The following CADPS variants were observed in gnomAD, a reference collection of about 807,000 sequenced individuals.
CADPS encodes the protein calcium-dependent secretion activator 1.
In CADPS, 57 loss-of-function variants were observed where a neutral mutation model predicts 167.3. The ratio of observed to expected loss-of-function variants is 0.34; its 90% confidence interval spans 0.28 to 0.42. CADPS has a LOEUF of 0.42. Among genes scored for constraint, CADPS ranks in the 20% least tolerant of loss-of-function variants. The pLI, the probability that CADPS is intolerant of heterozygous loss-of-function variation, is 1.00. For missense variants in CADPS, 1,414 were observed against 1,738.1 expected (o/e 0.81, Z 3.32); for synonymous variants, 676 against 635.3 (o/e 1.06, Z -0.96).
chr3:62,675,336 G>C (rs890436499), intron 3 of CADPS, among the ~76,000 whole-genome samples: 1 of 152,066 alleles, frequency 6.6e-6, no homozygotes, highest in Non-Finnish European at 1.5e-5. Context: ...TGTAGATTTT[G>C]GTTAAAGTGC....
chr3:62,759,432 A>G (rs947457449), intron 2 of CADPS, among the ~76,000 whole-genome samples: 2 of 152,218 alleles, frequency 1.3e-5, no homozygotes, highest in African/African-American at 4.8e-5. Context: ...TCCATGATAT[A>G]TGGTTATAAT....
chr3:62,821,635 C>T (rs2094925581), intron 1 of CADPS, among the ~76,000 whole-genome samples: 1 of 152,130 alleles, frequency 6.6e-6, no homozygotes, highest in Non-Finnish European at 1.5e-5. Context: ...GATAAAGACA[C>T]CAGTCAGAGT....
intron 4 of CADPS, among the ~76,000 whole-genome samples, chr3:62,651,803 A>T (rs991667558): frequency 2.6e-5 from 4 of 152,210 alleles, no homozygotes; most frequent in Non-Finnish European, 5.9e-5. Flanking sequence ...TCACCTTCCC[A>T]AACAGTCATT....
chr3:62,434,184 A>T (rs1279111923), intron 28 of CADPS, among the ~76,000 whole-genome samples: 2 of 152,092 alleles, frequency 1.3e-5, no homozygotes, highest in African/African-American at 4.8e-5. Flanking sequence ...TTTAAATCTC[A>T]GTTTGTTTTG....
At chr3:62,745,438 A>G (rs2081253654) in intron 3 of CADPS, among the ~76,000 whole-genome samples, 1 of 152,208 alleles carries the variant, frequency 6.6e-6, no homozygotes, top group African/African-American at 2.4e-5. Context: ...TCTGGCAAGC[A>G]AAGTCACTTA....
Position 62,536,341 on chromosome 3 carries a change from G to C in CADPS, c.2103+104C>G, listed in dbSNP as rs576036920. 31 of 971,904 alleles carry C rather than the reference G, an allele frequency of 3.2e-5. No individual in the cohort carries two copies. The South Asian group carries it at 4.6e-4, about 15-fold the overall frequency. The allele number at this position is 971,904 out of a possible 1,614,324, so 60.2% of individuals were successfully genotyped here. On this transcript the variant is annotated intron_variant, in intron 12 of 29. Coordinates refer to ENST00000383710, the MANE Select transcript of CADPS (RefSeq NM_003716.4). Reference sequence around the variant, plus strand: ...GGGAACACATTTATAATTGTTAAAGGGATTCTGTAATGGAGAAAAGAGCTT... The same window carrying C: ...GGGAACACATTTATAATTGTTAAAGCGATTCTGTAATGGAGAAAAGAGCTT...
At chr3:62,714,403 C>A (rs1351324519) in intron 3 of CADPS, among the ~76,000 whole-genome samples, 1 of 152,064 alleles carries the variant, frequency 6.6e-6, no homozygotes, top group African/African-American at 2.4e-5. Flanking sequence ...TCTTCCCTTC[C>A]ACTTACTGTT....
intron 6 of CADPS, among the ~76,000 whole-genome samples, chr3:62,595,397 CA>C (rs1257989972): frequency 6.6e-6 from 1 of 152,006 alleles, no homozygotes; most frequent in Non-Finnish European, 1.5e-5. Flanking sequence ...GGTTTTGAAC[CA>C]GATATCTTTA....
intron 27 of CADPS, chr3:62,440,896 G>A (rs754074399): frequency 6.6e-6 from 1 of 152,216 alleles, no homozygotes; most frequent in Non-Finnish European, 1.5e-5. Context: ...ATCTTGGGAG[G>A]CCCTGGAGGG....
At chr3:62,760,144 C>T (rs1004748220) in intron 2 of CADPS, among the ~76,000 whole-genome samples, 2 of 152,084 alleles carry the variant, frequency 1.3e-5, no homozygotes, top group African/African-American at 4.8e-5. Context: ...CAACTCTCTT[C>T]TTCTATTTCT....
At chr3:62,752,299 C>G (rs958478552) in intron 3 of CADPS, among the ~76,000 whole-genome samples, 5 of 151,384 alleles carry the variant, frequency 3.3e-5, no homozygotes, top group Admixed American at 3.3e-4. Flanking sequence ...ACTTTTTGAC[C>G]CATCACAAAA....
At chr3:62,695,423 T>G (rs1322630448) in intron 3 of CADPS, among the ~76,000 whole-genome samples, 1 of 152,098 alleles carries the variant, frequency 6.6e-6, no homozygotes, top group Non-Finnish European at 1.5e-5. Context: ...AATTTGCATC[T>G]ATAGAGAATC....
At position 62,651,073 on chromosome 3, in the gene CADPS, T is replaced by G; in HGVS notation, c.977A>C (p.Lys326Thr). Residue 326 changes from lysine (K) to threonine (T), a missense_variant, in exon 5 of 30, where the codon AAA (lysine) becomes ACA (threonine). Transcript: ENST00000383710. ...TTCTTTGGATACAAACTTGGGAAAT[T>G]TGCGTTCCTTGGGAAGAAAAAGAAA... ...QMADQIARER[K>T]FPKFVSKEME... 1.2e-6 allele frequency: 2 copies of G among 1,611,614 alleles called. No individual in the cohort carries two copies. Among genetic ancestry groups the G allele is most frequent in the Non-Finnish European group, 1.7e-6 (2 of 1,178,218 alleles).
intron 19 of CADPS, 96 bp downstream of exon 19, chr3:62,493,549 T>C (rs537470388): frequency 1.1e-5 from 10 of 905,016 alleles, no homozygotes; most frequent in Non-Finnish European, 1.7e-5. Context: ...CAAGCTCTTC[T>C]GTGATCTATT....
chr3:62,802,757 T>A (rs904510652), intron 1 of CADPS, among the ~76,000 whole-genome samples: 5 of 152,182 alleles, frequency 3.3e-5, no homozygotes, highest in African/African-American at 1.2e-4. Context: ...GTTTTTCAAA[T>A]CAGGAAACTG....
At chr3:62,772,480 T>G (rs2152550812) in intron 1 of CADPS, among the ~76,000 whole-genome samples, 1 of 152,332 alleles carries the variant, frequency 6.6e-6, no homozygotes, top group Middle Eastern at 3.4e-3. Context: ...ACAAATCTAT[T>G]GTCTATAGCC....
At chr3:62,670,322 A>G (rs1409650775) in intron 3 of CADPS, among the ~76,000 whole-genome samples, 1 of 152,196 alleles carries the variant, frequency 6.6e-6, no homozygotes, top group Non-Finnish European at 1.5e-5. Flanking sequence ...TATTTGTAGA[A>G]AGAACATGGA....
At chr3:62,742,198 G>A (rs141762156) in intron 3 of CADPS, among the ~76,000 whole-genome samples, 1 of 152,058 alleles carries the variant, frequency 6.6e-6, no homozygotes, top group African/African-American at 2.4e-5. Context: ...TGGTCATACT[G>A]CCCAAAGCAA....
chr3:62,439,709 A>G lies in CADPS; in HGVS notation c.3670-1498T>C, dbSNP rs540543179. 1.2e-4 allele frequency: 18 copies of G among 152,152 alleles called. No individual in the cohort carries two copies. The South Asian group carries it at 3.1e-3, about 26-fold the overall frequency. The allele number at this position is 152,152 out of a possible 1,614,324, so 9.4% of individuals were successfully genotyped here. On this transcript the variant is annotated intron_variant, in intron 27 of 29. Transcript: ENST00000383710. ...ACTTGAGAAACTTATTATTGTTTCT[A>G]TTTCTCCCCTGGTGATGCTTGTGGC... is the stretch of plus-strand genomic sequence containing the variant.
Sources: allele counts gnomAD v4.1 joint callset (sites outside exome capture counted in the v4.1 genomes callset), GRCh38; gene constraint gnomAD v4.1.1; transcripts MANE v1.5; gene names NCBI Gene and HGNC (gene_info 2026-07-23, HGNC 2026-07-21).